The following ENDOU variants were observed in gnomAD, a reference collection of about 807,000 sequenced individuals.
ENDOU encodes endonuclease, poly(U) specific, also known as uridylate-specific endoribonuclease.
In ENDOU, 49 loss-of-function variants were observed where a neutral mutation model predicts 54.2. The observed-to-expected ratio is 0.90, with a 90% CI of 0.72 to 1.15. The LOEUF (loss-of-function observed/expected upper bound fraction) is 1.15, where lower values mean the gene tolerates loss of function less well. ENDOU is among the 50% of genes most tolerant of loss of function. The probability of loss-of-function intolerance (pLI) is 0.00; values close to 1 mark genes in which losing one functional copy is unlikely to be tolerated. For synonymous variants in ENDOU, 172 were observed against 190.5 expected, an observed-to-expected ratio of 0.90 and a Z score of 0.80; for missense variants, 458 against 511.4, an observed-to-expected ratio of 0.90 and a Z score of 1.01.
intron 9 of ENDOU, 41 bp downstream of exon 9, chr12:47,711,592 A>G (rs757240801): frequency 1.9e-6 from 3 of 1,599,872 alleles, no homozygotes; most frequent in Middle Eastern, 2.0e-4. Context: ...GACAGCCTGC[A>G]GCCCCAGTCT....
intron 1 of ENDOU, 94 bp from the exon 2 acceptor site, chr12:47,720,969 T>G: frequency 8.0e-7 from 1 of 1,249,192 alleles, no homozygotes; most frequent in Admixed American, 2.1e-5. Context: ...AGGGCAGGAG[T>G]GTACCTGGCA....
At chr12:47,715,349 C>A (rs61917613) in intron 6 of ENDOU, among the ~76,000 whole-genome samples, 23 of 152,194 alleles carry the variant, frequency 1.5e-4, no homozygotes, top group Non-Finnish European at 2.6e-4. Flanking sequence ...AGTTCCAGCC[C>A]CAGCTCCGCT....
chr12:47,719,832 A>G (rs1052234538), intron 2 of ENDOU: 2 of 152,230 alleles, frequency 1.3e-5, no homozygotes, highest in Admixed American at 6.5e-5. Flanking sequence ...GAGTGGAAGC[A>G]GCTCTGTGGG....
intron 6 of ENDOU, among the ~76,000 whole-genome samples, chr12:47,713,744 G>GA (rs765302390): frequency 6.6e-6 from 1 of 150,938 alleles, no homozygotes; most frequent in South Asian, 2.1e-4. Flanking sequence ...AGTTGGCGGG[G>GA]GGGGGGGGTC....
chr12:47,722,036 T>C (rs1178815540), intron 1 of ENDOU, among the ~76,000 whole-genome samples: 3 of 152,220 alleles, frequency 2.0e-5, no homozygotes, highest in African/African-American at 4.8e-5. Flanking sequence ...CAATTTTGTA[T>C]TGATATTTGG....
Position 47,718,160 on chromosome 12 carries a change from C to A in ENDOU, c.213G>T (p.Leu71=). The change falls in exon 3 of 10, where the codon CTG becomes CTT. Residue 71 remains leucine, a synonymous_variant. Coordinates refer to ENST00000422538, the MANE Select transcript of ENDOU (RefSeq NM_001172439.2). ...DHKESEPLPQ[L]EEETEEALAS... is the part of the protein sequence containing the mutation. ...CGAGGGCCTCTTCTGTCTCTTCCTC[C>A]AGCTGTGGCAATGGCTCTGACTCTT... is the stretch of plus-strand genomic sequence containing the variant. 1 of 1,583,110 alleles carries A rather than the reference C, an allele frequency of 6.3e-7. No individual in the cohort carries two copies. The highest frequency in any genetic ancestry group is 8.6e-7 in the Non-Finnish European group (1 of 1,162,890).
intron 6 of ENDOU, among the ~76,000 whole-genome samples, chr12:47,715,598 T>C (rs569404743): frequency 6.6e-6 from 1 of 152,274 alleles, no homozygotes; most frequent in South Asian, 2.1e-4. Flanking sequence ...GCCAAGGCAC[T>C]CTCAGGGACA....
chr12:47,718,114 G>T lies in ENDOU; in HGVS notation c.244+15C>A. ...GCTTTATCTTGAGGGCCCCCCTTTG[G>T]GGAGGCAGGCTCACTGCTGGCGAGG... On this transcript the variant is annotated intron_variant, in intron 3 of 9. Transcript: ENST00000422538. 1 of 1,559,846 alleles carries T rather than the reference G, an allele frequency of 6.4e-7. No individual in the cohort carries two copies. The highest frequency in any genetic ancestry group is 2.4e-5 in the East Asian group (1 of 42,266).
intron 1 of ENDOU, 21 bp downstream of exon 1, chr12:47,725,338 G>C: frequency 6.2e-7 from 1 of 1,613,742 alleles, no homozygotes; most frequent in Non-Finnish European, 8.5e-7. Flanking sequence ...GCAATCCCAT[G>C]CCCGCCAGAT....
chr12:47,711,658 A>T lies in ENDOU; in HGVS notation c.1090T>A (p.Cys364Ser), dbSNP rs1409186479. The T allele has an allele frequency of 5.0e-6, 8 of 1,613,966 alleles. No homozygotes were observed. The highest frequency in any genetic ancestry group is 6.8e-6 in the Non-Finnish European group (8 of 1,179,958). ...PEFEFALYSL[C>S]FIARPGKVCQ... Reference sequence around the variant, plus strand: ...ACTTTGCCTGGCCTGGCGATGAAGCACAGGGAGTAGAGTGCAAACTCAAAC... The same window carrying T: ...ACTTTGCCTGGCCTGGCGATGAAGCTCAGGGAGTAGAGTGCAAACTCAAAC... The change falls in exon 9 of 10, where the codon TGC (cysteine) becomes AGC (serine). Residue 364 changes from cysteine (C) to serine (S), a missense_variant. Coordinates refer to ENST00000422538, the MANE Select transcript of ENDOU (RefSeq NM_001172439.2).
At chr12:47,717,958 G>T in intron 3 of ENDOU, 171 bp downstream of exon 3, 1 of 651,338 alleles carries the variant, frequency 1.5e-6, no homozygotes. Flanking sequence ...GGCCCCCCAG[G>T]CTGGCTGAGC....
rs746965861 is a variant in ENDOU at position 47,710,879 on chromosome 12, T to A, written c.1156A>T (p.Thr386Ser). 7 of 1,614,076 alleles carry A rather than the reference T, an allele frequency of 4.3e-6. No individual in the cohort carries two copies. Among genetic ancestry groups the A allele is most frequent in the Non-Finnish European group, 5.9e-6 (7 of 1,179,952 alleles). ...TAGGTGGACTTGTCCCAGGTATATG[T>A]CCGGACAGCTAAGGGATATCCTCCC... is the stretch of plus-strand genomic sequence containing the variant. ...SLGGYPLAVR[T>S]YTWDKSTYGN... Residue 386 changes from threonine to serine, a missense_variant, in exon 10 of 10, where the codon ACA (threonine) becomes TCA (serine). Transcript: ENST00000422538.
intron 6 of ENDOU, among the ~76,000 whole-genome samples, chr12:47,713,771 C>A: frequency 6.8e-6 from 1 of 146,226 alleles, no homozygotes; most frequent in African/African-American, 2.6e-5. Context: ...AAAGGAACAT[C>A]AGAAAGGCCT....
At chr12:47,718,241 C>G in intron 2 of ENDOU, 47 bp from the exon 3 acceptor site, 1 of 1,507,152 alleles carries the variant, frequency 6.6e-7, no homozygotes, top group Non-Finnish European at 9.0e-7. Context: ...TGAGAATTCC[C>G]CTGCTGCTTG....
Position 47,710,761 on chromosome 12 carries a change from C to G in ENDOU, c.*41G>C. The G allele has an allele frequency of 7.4e-7, 1 of 1,360,268 alleles. No homozygotes were observed. Among genetic ancestry groups the G allele is most frequent in the East Asian group, 2.3e-5 (1 of 43,774 alleles). The allele number at this position is 1,360,268 out of a possible 1,614,324, so 84.3% of individuals were successfully genotyped here. Reference sequence around the variant, plus strand: ...AGTCCAGAGAAGATAGCACTTCAGTCTCGCAAGAGCCCTCATGCCCCTTTC... The same window carrying G: ...AGTCCAGAGAAGATAGCACTTCAGTGTCGCAAGAGCCCTCATGCCCCTTTC... On this transcript the variant is annotated 3_prime_UTR_variant, in exon 10 of 10. Coordinates refer to ENST00000422538, the MANE Select transcript of ENDOU (RefSeq NM_001172439.2).
At chr12:47,715,290 G>T (rs1213243265) in intron 6 of ENDOU, among the ~76,000 whole-genome samples, 3 of 152,216 alleles carry the variant, frequency 2.0e-5, no homozygotes, top group African/African-American at 7.2e-5. Context: ...GGAGAGAGGT[G>T]AGGAGAGAGT....
At chr12:47,713,232 C>T in intron 7 of ENDOU, 43 bp downstream of exon 7, 1 of 1,371,934 alleles carries the variant, frequency 7.3e-7, no homozygotes, top group East Asian at 2.3e-5. Flanking sequence ...AGCCATTCCT[C>T]TTCATCCCTC....
intron 6 of ENDOU, 105 bp downstream of exon 6, chr12:47,716,195 G>A: frequency 1.8e-6 from 2 of 1,095,202 alleles, no homozygotes; most frequent in Non-Finnish European, 2.8e-6. Context: ...CCTCCACAGA[G>A]TCCCCACCGC....
At chr12:47,718,098 TGAGG>T in intron 3 of ENDOU, 27 bp downstream of exon 3, 1 of 1,546,140 alleles carries the variant, frequency 6.5e-7, no homozygotes, top group Non-Finnish European at 8.8e-7. Context: ...TGCTTTATCT[TGAGG>T]GCCCCCCTTT....
Sources: gnomAD v4.1 joint callset for allele counts (sites outside exome capture counted in the v4.1 genomes callset) on GRCh38, gnomAD v4.1.1 for gene constraint, MANE v1.5 for transcripts, NCBI Gene and HGNC (gene_info 2026-07-23, HGNC 2026-07-21) for gene names.